RANBP2: variants seen among roughly 807,000 people sequenced by gnomAD.
RANBP2 encodes E3 SUMO-protein ligase RanBP2.
A neutral mutation model predicts 303.6 loss-of-function variants in RANBP2; 57 were observed. The observed-to-expected ratio is 0.19, with a 90% confidence interval of 0.15 to 0.23. The LOEUF (loss-of-function observed/expected upper bound fraction) is 0.23. Ranked by LOEUF, RANBP2 falls within the 10% of genes least tolerant of loss-of-function variation. RANBP2 has a pLI of 1.00. For missense variants in RANBP2, 3,138 were observed against 3,780.8 expected, an observed-to-expected ratio of 0.83 and a Z score of 4.46; for synonymous variants, 1,167 against 1,301.5, an observed-to-expected ratio of 0.90 and a Z score of 2.23.
At chr2:109,417,764 C>T in the RANBP2 span, among the ~76,000 whole-genome samples, 15 of 152,162 alleles carry the variant, frequency 9.9e-5, no homozygotes, top group South Asian at 3.1e-3. Context: ...ACTTTGTAGA[C>T]ACTGCCCATG....
the RANBP2 span, among the ~76,000 whole-genome samples, chr2:109,021,373 A>G: frequency 2.3e-3 from 357 of 152,186 alleles, 1 homozygote; most frequent in Non-Finnish European, 3.9e-3. Context: ...CATACAAAAA[A>G]GTAGCCGGGC....
the RANBP2 span, among the ~76,000 whole-genome samples, chr2:108,858,009 T>C: frequency 6.4e-4 from 98 of 152,278 alleles, no homozygotes; most frequent in Non-Finnish European, 1.3e-3. Context: ...TTAGAGGAGA[T>C]AGTCAACAGT....
At chr2:109,549,410 T>C in the RANBP2 span, among the ~76,000 whole-genome samples, 1 of 152,132 alleles carries the variant, frequency 6.6e-6, no homozygotes, top group Non-Finnish European at 1.5e-5. Flanking sequence ...GAGGGAAACA[T>C]TAAACAAGGG....
the RANBP2 span, among the ~76,000 whole-genome samples, chr2:109,712,054 G>A: frequency 2.0e-5 from 3 of 152,142 alleles, no homozygotes; most frequent in Non-Finnish European, 4.4e-5. Context: ...AGGATGTTTT[G>A]CAACACCACG....
At chr2:109,493,145 C>T in the RANBP2 span, among the ~76,000 whole-genome samples, 1 of 139,642 alleles carries the variant, frequency 7.2e-6, no homozygotes, top group Non-Finnish European at 1.6e-5. Context: ...CCACATACAT[C>T]ATACAAAACA....
At chr2:108,761,312 T>A (rs1676715956) in intron 18 of RANBP2, among the ~76,000 whole-genome samples, 1 of 151,346 alleles carries the variant, frequency 6.6e-6, no homozygotes, top group Non-Finnish European at 1.5e-5. Context: ...CTTTTCTAGG[T>A]CTTGATTTTT....
intron 7 of RANBP2, among the ~76,000 whole-genome samples, chr2:108,745,117 CTTTT>C (rs4012073): frequency 7.0e-6 from 1 of 142,340 alleles, no homozygotes; most frequent in Non-Finnish European, 1.6e-5. Context: ...CTGGCTTTTA[CTTTT>C]TTTTTTTTTT....
the RANBP2 span, among the ~76,000 whole-genome samples, chr2:108,962,135 G>T: frequency 6.6e-6 from 1 of 152,192 alleles, no homozygotes; most frequent in Non-Finnish European, 1.5e-5. Context: ...GTAGCATGTG[G>T]CGCCCTGTCT....
At chr2:108,758,127 T>C in intron 17 of RANBP2, among the ~76,000 whole-genome samples, 1 of 151,984 alleles carries the variant, frequency 6.6e-6, no homozygotes, top group African/African-American at 2.4e-5. Flanking sequence ...TGAAACCCCA[T>C]CTCTACTATT....
At chr2:109,020,917 A>C in the RANBP2 span, among the ~76,000 whole-genome samples, 1 of 152,190 alleles carries the variant, frequency 6.6e-6, no homozygotes, top group African/African-American at 2.4e-5. Flanking sequence ...CAAGGCTGAA[A>C]GACCACCATG....
the RANBP2 span, among the ~76,000 whole-genome samples, chr2:108,872,334 G>A: frequency 2.0e-5 from 3 of 151,768 alleles, no homozygotes; most frequent in Non-Finnish European, 2.9e-5. Flanking sequence ...TTCTTAACTC[G>A]TTCCACCACC....
At chr2:109,037,916 T>C in the RANBP2 span, among the ~76,000 whole-genome samples, 1 of 152,150 alleles carries the variant, frequency 6.6e-6, no homozygotes, top group African/African-American at 2.4e-5. Context: ...ACTCTTAAAA[T>C]CCCAGCAAGG....
chr2:109,342,106 C>A, the RANBP2 span, among the ~76,000 whole-genome samples: 2 of 152,312 alleles, frequency 1.3e-5, no homozygotes, highest in Admixed American at 1.3e-4. Flanking sequence ...CTGGAGACTG[C>A]AGGTGGGCAG....
chr2:108,839,167 C>T, the RANBP2 span: 1 of 1,583,714 alleles, frequency 6.3e-7, no homozygotes, highest in Non-Finnish European at 8.6e-7. Context: ...TATTTATTTT[C>T]CATCATTTTA....
At chr2:109,211,517 A>G in the RANBP2 span, among the ~76,000 whole-genome samples, 1 of 152,178 alleles carries the variant, frequency 6.6e-6, no homozygotes, top group Non-Finnish European at 1.5e-5. Context: ...TCTTCCAGGT[A>G]TCCAGTAGGA....
chr2:108,873,772 A>G, the RANBP2 span, among the ~76,000 whole-genome samples: 3 of 152,214 alleles, frequency 2.0e-5, no homozygotes, highest in African/African-American at 7.2e-5. Context: ...ACAAAACCTC[A>G]TAGTGTTTTC....
At chr2:109,066,472 G>C in the RANBP2 span, among the ~76,000 whole-genome samples, 1 of 152,130 alleles carries the variant, frequency 6.6e-6, no homozygotes, top group Non-Finnish European at 1.5e-5. Flanking sequence ...AGCGCTAACT[G>C]TTCCCCCACC....
At chr2:109,146,308 A>G in the RANBP2 span, among the ~76,000 whole-genome samples, 1 of 152,172 alleles carries the variant, frequency 6.6e-6, no homozygotes, top group South Asian at 2.1e-4. Flanking sequence ...TACTGGGACA[A>G]ATTGCCAAAG....
At chr2:109,309,492 C>T in the RANBP2 span, among the ~76,000 whole-genome samples, 1 of 129,094 alleles carries the variant, frequency 7.7e-6, no homozygotes, top group African/African-American at 3.8e-5. Context: ...ATCAAATTCA[C>T]ACATAACAAT....
Sources: allele counts gnomAD v4.1 joint callset (sites outside exome capture counted in the v4.1 genomes callset), GRCh38; gene constraint gnomAD v4.1.1; transcripts MANE v1.5; gene names NCBI Gene and HGNC (gene_info 2026-07-23, HGNC 2026-07-21).